CSMD1: variants seen among roughly 807,000 people sequenced by gnomAD.
CSMD1 encodes the protein CUB and Sushi multiple domains 1.
CSMD1 carries 213 observed loss-of-function variants against 417.5 expected under a neutral mutation model. The ratio of observed to expected loss-of-function variants is 0.51; its 90% CI spans 0.46 to 0.57. The LOEUF (loss-of-function observed/expected upper bound fraction) is 0.57. Among genes scored for constraint, CSMD1 ranks in the 20% least tolerant of loss-of-function variants. The probability of loss-of-function intolerance (pLI) is 0.00; values close to 1 mark genes in which losing one functional copy is unlikely to be tolerated. For synonymous variants in CSMD1, 2,862 were observed against 1,736.8 expected (o/e 1.65, Z -16.11); for missense variants, 6,923 against 4,529.7 (o/e 1.53, Z -15.17).
intron 26 of CSMD1, among the ~76,000 whole-genome samples, chr8:3,283,526 T>C (rs1227051719): frequency 1.4e-5 from 2 of 145,062 alleles, no homozygotes; most frequent in South Asian, 2.3e-4. Context: ...TTTCCTTTGA[T>C]ACTGACAGTG....
rs1161117794 is a variant in CSMD1, at chr8:4,008,600, C to CT, written c.611-10491dup. 9.2e-3 allele frequency among the ~76,000 whole-genome samples: 742 copies of CT among 80,438 alleles called. 38 individuals carry two copies. The highest frequency in any genetic ancestry group is 0.022 in the East Asian group (54 of 2,470). The allele number at this position is 80,438 out of a possible 152,430, so 52.8% of individuals were successfully genotyped here. On this transcript the variant is annotated intron_variant, in intron 4 of 69. Coordinates refer to ENST00000635120, the MANE Select transcript of CSMD1 (RefSeq NM_033225.6). ...GATTCAGTATTTTCTTTCTTTTTTTCTTTTTTTTTTTTTTTTTTTTTTTTT... is the reference window on the plus strand; with the variant it reads ...GATTCAGTATTTTCTTTCTTTTTTTCTTTTTTTTTTTTTTTTTTTTTTTTTT...
intron 37 of CSMD1, among the ~76,000 whole-genome samples, chr8:3,180,369 T>C (rs1282808599): frequency 6.6e-6 from 1 of 152,204 alleles, no homozygotes; most frequent in Non-Finnish European, 1.5e-5. Flanking sequence ...AGCTCTCTAC[T>C]CGTTCTTATT....
In CSMD1 at chr8:4,272,416, A is replaced by G. The variant is rs138286644; in HGVS notation, c.415+147537T>C. Among the ~76,000 whole-genome samples the G allele has an allele frequency of 5.0e-3, 755 of 152,324 alleles. 2 individuals carry two copies. The highest frequency in any genetic ancestry group is 7.5e-3 in the Non-Finnish European group (512 of 68,018). The stretch of plus-strand genomic sequence containing the variant: ...AAGACCTATAGACAATGAGGATTAC[A>G]TATATCATACTACATAGGAAAAACT... On this transcript the variant is annotated intron_variant, in intron 3 of 69. Coordinates refer to ENST00000635120, the MANE Select transcript of CSMD1 (RefSeq NM_033225.6).
intron 5 of CSMD1, among the ~76,000 whole-genome samples, chr8:3,916,762 A>G (rs1808857587): frequency 6.6e-6 from 1 of 152,180 alleles, no homozygotes. Context: ...AACTAGAGAG[A>G]GAAAAAATAA....
intron 1 of CSMD1, among the ~76,000 whole-genome samples, chr8:4,799,666 G>T (rs1018580439): frequency 7.0e-6 from 1 of 143,330 alleles, no homozygotes; most frequent in African/African-American, 2.5e-5. Flanking sequence ...CTGAAAAATT[G>T]GGACTTTATT....
chr8:3,484,200 G>T (rs1376019607), intron 11 of CSMD1, among the ~76,000 whole-genome samples: 3 of 152,162 alleles, frequency 2.0e-5, no homozygotes, highest in Admixed American at 1.3e-4. Context: ...AACAGTTATA[G>T]TAATTAGTAA....
At chr8:3,561,559 G>A (rs1327075698) in intron 10 of CSMD1, among the ~76,000 whole-genome samples, 2 of 152,040 alleles carry the variant, frequency 1.3e-5, no homozygotes, top group African/African-American at 4.8e-5. Flanking sequence ...ATTATAAATG[G>A]GAACCAAACA....
chr8:3,961,696 A>G (rs559865072), intron 5 of CSMD1, among the ~76,000 whole-genome samples: 5 of 152,332 alleles, frequency 3.3e-5, no homozygotes, highest in African/African-American at 7.2e-5. Flanking sequence ...CAAAAAAGAA[A>G]AAGATTGCTG....
chr8:4,538,872 T>A lies in CSMD1; in HGVS notation c.302+98470A>T, dbSNP rs548998425. On this transcript the variant is annotated intron_variant, in intron 2 of 69. Coordinates refer to ENST00000635120, the MANE Select transcript of CSMD1 (RefSeq NM_033225.6). ...AAAACTGATTTCTCAAATGTACAGT[T>A]CTTGCTTACCAAAGTTCCCCTTTTA... Among the ~76,000 whole-genome samples the A allele has an allele frequency of 3.3e-5, 5 of 152,310 alleles. No individual in the cohort carries two copies. In the South Asian group the frequency reaches 1.0e-3, roughly 32 times the overall value.
At chr8:4,632,253 CA>C (rs1802562955) in intron 2 of CSMD1, among the ~76,000 whole-genome samples, 1 of 152,172 alleles carries the variant, frequency 6.6e-6, no homozygotes, top group Admixed American at 6.5e-5. Flanking sequence ...TGAAAGTCAA[CA>C]TATCTTCCAG....
At chr8:4,292,375 C>A (rs1443711915) in intron 3 of CSMD1, among the ~76,000 whole-genome samples, 1 of 152,044 alleles carries the variant, frequency 6.6e-6, no homozygotes, top group African/African-American at 2.4e-5. Context: ...GCCTCAGCCT[C>A]CAGAGTACCT....
At chr8:2,994,518 G>A (rs1208671997) in intron 54 of CSMD1, among the ~76,000 whole-genome samples, 3 of 152,112 alleles carry the variant, frequency 2.0e-5, no homozygotes, top group African/African-American at 4.8e-5. Flanking sequence ...GCCCACTCAC[G>A]TGATACCACT....
chr8:4,590,449 T>C (rs1799929493), intron 2 of CSMD1, among the ~76,000 whole-genome samples: 1 of 152,206 alleles, frequency 6.6e-6, no homozygotes, highest in Non-Finnish European at 1.5e-5. Context: ...TCAAAAGTAC[T>C]CATTAAGATT....
intron 3 of CSMD1, among the ~76,000 whole-genome samples, chr8:4,205,913 C>T (rs564095634): frequency 1.3e-5 from 2 of 152,250 alleles, no homozygotes; most frequent in East Asian, 3.9e-4. Flanking sequence ...ACCGAGTCCT[C>T]CTGCAGCCAC....
At position 4,201,347 on chromosome 8, in the gene CSMD1, G is replaced by C. The variant is rs192589354; in HGVS notation, c.416-169248C>G. Among the ~76,000 whole-genome samples the C allele has an allele frequency of 6.8e-3, 1,030 of 151,974 alleles. 13 individuals carry two copies. The highest frequency in any genetic ancestry group is 0.018 in the African/African-American group (765 of 41,462). On this transcript the variant is annotated intron_variant, in intron 3 of 69. Transcript: ENST00000635120. ...AGGTCAGGAGATCGAGACCATCTTG[G>C]GTAACACGGTGAAACCCCATCTCTA...
At chr8:3,800,298 A>G (rs538194516) in intron 5 of CSMD1, among the ~76,000 whole-genome samples, 1 of 152,308 alleles carries the variant, frequency 6.6e-6, no homozygotes, top group South Asian at 2.1e-4. Flanking sequence ...ATGAGAAGTT[A>G]TACTGGGCAA....
chr8:3,050,792 A>C (rs1811769480), intron 50 of CSMD1, among the ~76,000 whole-genome samples: 1 of 152,252 alleles, frequency 6.6e-6, no homozygotes, highest in African/African-American at 2.4e-5. Flanking sequence ...TTTATATCTA[A>C]GTATATGGAT....
chr8:4,007,492 G>A (rs182444274), intron 4 of CSMD1, among the ~76,000 whole-genome samples: 4 of 151,844 alleles, frequency 2.6e-5, no homozygotes, highest in Admixed American at 6.6e-5. Flanking sequence ...TTTCCTGCCC[G>A]CCCTCTCTGG....
chr8:4,706,729 C>T (rs146133634), intron 1 of CSMD1, among the ~76,000 whole-genome samples: 51 of 152,086 alleles, frequency 3.4e-4, no homozygotes, highest in African/African-American at 8.2e-4. Flanking sequence ...GAGATGTGGC[C>T]GGGGAGGCAG....
Sources: gnomAD v4.1 joint callset for allele counts (sites outside exome capture counted in the v4.1 genomes callset) on GRCh38, gnomAD v4.1.1 for gene constraint, MANE v1.5 for transcripts, NCBI Gene and HGNC (gene_info 2026-07-23, HGNC 2026-07-21) for gene names.